Variants in SHCBP1L observed in about 807,000 individuals in gnomAD.
The protein encoded by SHCBP1L is testicular spindle-associated protein SHCBP1L.
A neutral mutation model predicts 62.5 loss-of-function variants in SHCBP1L; 67 were observed. That is an observed-to-expected ratio of 1.07 (90% CI 0.88 to 1.31). SHCBP1L has a LOEUF of 1.31. Among genes scored for constraint, SHCBP1L ranks in the 40% most tolerant of loss-of-function variants. The pLI is 0.00. For synonymous variants in SHCBP1L, 284 were observed against 289.4 expected, an observed-to-expected ratio of 0.98 and a Z score of 0.19; for missense variants, 823 against 809.8, an observed-to-expected ratio of 1.02 and a Z score of -0.20.
chr1:182,920,394 C>A (rs1288456098), intron 6 of SHCBP1L, among the ~76,000 whole-genome samples: 3 of 152,104 alleles, frequency 2.0e-5, no homozygotes, highest in African/African-American at 7.2e-5. Context: ...AACCCTCACA[C>A]GCATCAAAGA....
intron 6 of SHCBP1L, among the ~76,000 whole-genome samples, chr1:182,907,418 A>C (rs2101921490): frequency 7.0e-6 from 1 of 142,300 alleles, no homozygotes; most frequent in African/African-American, 2.6e-5. Context: ...GGGCAACAAG[A>C]GCGAAACTGT....
At chr1:182,947,198 T>C (rs6680907) in intron 2 of SHCBP1L, among the ~76,000 whole-genome samples, 34,309 of 144,060 alleles carry the variant, frequency 0.24, 6,996 homozygotes, top group African/African-American at 0.56. Context: ...GATCGCGCCA[T>C]GGTACTCCAG....
rs187722826 is a variant in SHCBP1L at position 182,934,128 on chromosome 1, T to A, written c.1077-4376A>T. ...TAATTTGTTGGCTTATTTATACTATTCCTTTGTAATCCTTTTTATTTCAGT... is the reference window on the plus strand; with the variant it reads ...TAATTTGTTGGCTTATTTATACTATACCTTTGTAATCCTTTTTATTTCAGT... On this transcript the variant is annotated intron_variant, in intron 5 of 9. Coordinates refer to ENST00000367547, the MANE Select transcript of SHCBP1L (RefSeq NM_030933.4). 1.5e-3 allele frequency among the ~76,000 whole-genome samples: 226 copies of A among 152,282 alleles called. 2 individuals carry two copies. The highest frequency in any genetic ancestry group is 5.2e-3 in the African/African-American group (218 of 41,574).
At chr1:182,901,715 C>G (rs1649843769) in intron 9 of SHCBP1L, among the ~76,000 whole-genome samples, 1 of 152,172 alleles carries the variant, frequency 6.6e-6, no homozygotes, top group Non-Finnish European at 1.5e-5. Context: ...GCGTGAGGCT[C>G]AAAATTCTCC....
chr1:182,916,072 C>T (rs1002543305), intron 6 of SHCBP1L, among the ~76,000 whole-genome samples: 1 of 152,138 alleles, frequency 6.6e-6, no homozygotes, highest in African/African-American at 2.4e-5. Flanking sequence ...TCCCAAAGTG[C>T]TGGGATTACA....
At position 182,952,776 on chromosome 1, in the gene SHCBP1L, C is replaced by T. The variant is rs1229821253; in HGVS notation, c.358G>A (p.Asp120Asn). 1.9e-6 allele frequency: 3 copies of T among 1,612,458 alleles called. No individual in the cohort carries two copies. The Admixed American group carries it at 5.0e-5, about 27-fold the overall frequency. Residue 120 changes from aspartate (D) to asparagine (N), a missense_variant, in exon 1 of 10, where the codon GAC (aspartate) becomes AAC (asparagine). By Grantham distance (23) the Asp-to-Asn change is conservative. Transcript: ENST00000367547. ...CVSRMRGMWR[D>N]EKVSLYCDEV... ...TCGCAATACAGCGACACCTTCTCGT[C>T]CCGCCACATCCCCCTCATACGGGAC...
At chr1:182,908,106 C>T (rs941635548) in intron 6 of SHCBP1L, among the ~76,000 whole-genome samples, 2 of 152,008 alleles carry the variant, frequency 1.3e-5, no homozygotes, top group Admixed American at 1.3e-4. Flanking sequence ...TCACCTTCCC[C>T]ATGTCTTTAA....
At chr1:182,945,082 G>A (rs1651516705) in intron 2 of SHCBP1L, among the ~76,000 whole-genome samples, 2 of 149,384 alleles carry the variant, frequency 1.3e-5, no homozygotes, top group Non-Finnish European at 3.0e-5. Context: ...TCCTGCCTCA[G>A]CCTCCCACGT....
intron 9 of SHCBP1L, among the ~76,000 whole-genome samples, chr1:182,901,379 C>T (rs187557183): frequency 2.6e-5 from 4 of 152,280 alleles, no homozygotes; most frequent in Admixed American, 1.3e-4. Context: ...ATCGCTTGAA[C>T]CTGGGATGCA....
intron 2 of SHCBP1L, among the ~76,000 whole-genome samples, chr1:182,949,707 G>GA (rs922419094): frequency 3.3e-5 from 5 of 150,170 alleles, no homozygotes; most frequent in African/African-American, 4.9e-5. Context: ...GAAAAAAAAA[G>GA]AAAAAGGAAA....
chr1:182,949,355 A>G (rs12071865), intron 2 of SHCBP1L, among the ~76,000 whole-genome samples: 6,102 of 147,352 alleles, frequency 0.041, 309 homozygotes, highest in African/African-American at 0.12. Context: ...GTTGTGAAAG[A>G]TCTCGGCAAA....
chr1:182,928,870 A>G (rs570945118), intron 6 of SHCBP1L, among the ~76,000 whole-genome samples: 4 of 152,192 alleles, frequency 2.6e-5, no homozygotes, highest in South Asian at 2.1e-4. Context: ...ATGCAAATAC[A>G]TTCTGGAAAA....
At chr1:182,951,704 G>A (rs1163698942) in intron 1 of SHCBP1L, among the ~76,000 whole-genome samples, 2 of 152,022 alleles carry the variant, frequency 1.3e-5, no homozygotes, top group African/African-American at 2.4e-5. Flanking sequence ...AGATAAGACA[G>A]CTAGTTATTG....
At chr1:182,906,514 C>T (rs1285116026) in intron 6 of SHCBP1L, among the ~76,000 whole-genome samples, 1 of 151,880 alleles carries the variant, frequency 6.6e-6, no homozygotes, top group Non-Finnish European at 1.5e-5. Flanking sequence ...TCACTGCAAC[C>T]TCTGCCTCCC....
rs149567583 is a variant in SHCBP1L, at chr1:182,952,790, C to T, written c.344G>A (p.Arg115Lys). 1.4e-5 allele frequency: 22 copies of T among 1,612,680 alleles called. No homozygotes were observed. The African/African-American group carries it at 2.9e-4, about 22-fold the overall frequency. ...PLPPVCVSRMRGMWRDEKVSL... is the reference protein window; with the variant it reads ...PLPPVCVSRMKGMWRDEKVSL... ...CACCTTCTCGTCCCGCCACATCCCC[C>T]TCATACGGGACACGCAGACTGGGGG... is the stretch of plus-strand genomic sequence containing the variant. Residue 115 changes from arginine (R) to lysine (K), a missense_variant, in exon 1 of 10, where the codon AGG (arginine) becomes AAG (lysine). Physicochemically the swap from Arg to Lys is conservative, Grantham distance 26. Transcript: ENST00000367547.
intron 2 of SHCBP1L, among the ~76,000 whole-genome samples, chr1:182,941,655 C>G (rs1651369204): frequency 6.6e-6 from 1 of 152,094 alleles, no homozygotes; most frequent in African/African-American, 2.4e-5. Context: ...ACAATTCTGA[C>G]AGGGAGAGCC....
At chr1:182,926,233 A>C (rs1650742177) in intron 6 of SHCBP1L, among the ~76,000 whole-genome samples, 1 of 152,220 alleles carries the variant, frequency 6.6e-6, no homozygotes, top group Non-Finnish European at 1.5e-5. Context: ...AAAAAAAAGA[A>C]GGAATAACTG....
Position 182,929,663 on chromosome 1 carries a change from AT to A in SHCBP1L, c.1165del (p.Met389Ter). 1 of 1,567,902 alleles carries A rather than the reference AT, an allele frequency of 6.4e-7. No individual in the cohort carries two copies. Among genetic ancestry groups the A allele is most frequent in the Non-Finnish European group, 8.6e-7 (1 of 1,162,310 alleles). On this transcript the variant is annotated frameshift_variant, in exon 6 of 10. Transcript: ENST00000367547. LOFTEE classifies it high-confidence loss of function. ...ATTTCTTACCATTTCAGTAGTCATC[AT>A]TTTTGCTACAATATGTGTTATAGTC... The part of the protein sequence containing the change: ...GKTITHIVAK[M>X]MTTEMIKDLS...
chr1:182,921,359 G>A (rs1650522562), intron 6 of SHCBP1L, among the ~76,000 whole-genome samples: 1 of 152,090 alleles, frequency 6.6e-6, no homozygotes, highest in Admixed American at 6.5e-5. Flanking sequence ...AGTGCTAAAC[G>A]TGGAAATGAA....
Sources: allele counts gnomAD v4.1 joint callset (sites outside exome capture counted in the v4.1 genomes callset), GRCh38; gene constraint gnomAD v4.1.1; transcripts MANE v1.5; gene names NCBI Gene and HGNC (gene_info 2026-07-23, HGNC 2026-07-21).